Variants in ASIC2 observed in about 807,000 individuals in gnomAD.
ASIC2 encodes acid-sensing ion channel 2.
In ASIC2, 25 loss-of-function variants were observed where a neutral mutation model predicts 57.3. The ratio of observed to expected loss-of-function variants is 0.44; its 90% CI spans 0.32 to 0.61. The LOEUF (loss-of-function observed/expected upper bound fraction) is 0.61, where lower values mean the gene tolerates loss of function less well. ASIC2 is among the 20% of genes least tolerant of loss of function. The pLI is 0.06. For missense variants in ASIC2, 641 were observed against 738.1 expected (o/e 0.87, Z 1.52); for synonymous variants, 319 against 307.5 (o/e 1.04, Z -0.39).
At chr17:33,616,058 G>A (rs1905592947) in intron 1 of ASIC2, among the ~76,000 whole-genome samples, 1 of 152,208 alleles carries the variant, frequency 6.6e-6, no homozygotes, top group Non-Finnish European at 1.5e-5. Context: ...TCTTCAAAGT[G>A]ACAAAATGCA....
intron 1 of ASIC2, among the ~76,000 whole-genome samples, chr17:33,510,770 C>T (rs1238149275): frequency 1.3e-5 from 2 of 152,182 alleles, no homozygotes; most frequent in Non-Finnish European, 2.9e-5. Context: ...CCATTACCAC[C>T]CAGTACCCTG....
At chr17:33,608,635 T>G (rs1157544902) in intron 1 of ASIC2, among the ~76,000 whole-genome samples, 2 of 152,010 alleles carry the variant, frequency 1.3e-5, no homozygotes, top group African/African-American at 4.8e-5. Context: ...GGGATTCTGT[T>G]TACTCTCTGG....
In ASIC2 at chr17:33,038,654, G is replaced by C. The variant is rs150125707; in HGVS notation, c.988-10262C>G. ...TGCTTAAATTTATGAACAGAGCAAG[G>C]AATGCAGAACTTTTGTGATTAAATA... On this transcript the variant is annotated intron_variant, in intron 3 of 9. Coordinates refer to ENST00000225823, the MANE Select transcript of ASIC2 (RefSeq NM_183377.2). Among the ~76,000 whole-genome samples the C allele has an allele frequency of 3.6e-3, 553 of 152,330 alleles. 4 individuals are homozygous for C. Among genetic ancestry groups the C allele is most frequent in the Non-Finnish European group, 5.9e-3 (404 of 68,036 alleles).
At chr17:33,692,506 A>G (rs1908403738) in intron 1 of ASIC2, 1 of 152,180 alleles carries the variant, frequency 6.6e-6, no homozygotes, top group Non-Finnish European at 1.5e-5. Flanking sequence ...TCTTGAACCA[A>G]ACAGTATACA....
intron 1 of ASIC2, among the ~76,000 whole-genome samples, chr17:33,728,117 G>T (rs1465153800): frequency 6.6e-6 from 1 of 152,136 alleles, no homozygotes; most frequent in Admixed American, 6.5e-5. Context: ...CCCTCCTGCA[G>T]ACTTTGCTCC....
chr17:33,261,421 G>C (rs571654721), intron 1 of ASIC2, among the ~76,000 whole-genome samples: 1 of 152,288 alleles, frequency 6.6e-6, no homozygotes, highest in Admixed American at 6.5e-5. Flanking sequence ...GAGCTTCCAG[G>C]GAAATAGGGG....
intron 1 of ASIC2, among the ~76,000 whole-genome samples, chr17:34,131,367 C>T (rs1054064631): frequency 6.6e-6 from 1 of 152,126 alleles, no homozygotes; most frequent in African/African-American, 2.4e-5. Flanking sequence ...CATTGTATTC[C>T]CTAAATAAAC....
intron 3 of ASIC2, among the ~76,000 whole-genome samples, chr17:33,086,467 C>T (rs1184691573): frequency 1.3e-5 from 2 of 152,188 alleles, no homozygotes; most frequent in Admixed American, 6.5e-5. Context: ...AGAATTTATA[C>T]ACATATTGAT....
chr17:33,878,395 T>C (rs906726825), intron 1 of ASIC2, among the ~76,000 whole-genome samples: 1 of 152,014 alleles, frequency 6.6e-6, no homozygotes, highest in African/African-American at 2.4e-5. Context: ...GAATAACTAA[T>C]GCAGATAAGT....
At chr17:33,142,034 A>G (rs1904335236) in intron 1 of ASIC2, among the ~76,000 whole-genome samples, 1 of 152,198 alleles carries the variant, frequency 6.6e-6, no homozygotes, top group African/African-American at 2.4e-5. Context: ...ATTATTTTAT[A>G]AATATCTGTC....
chr17:33,293,981 G>T (rs1310770269), upstream of ASIC2, among the ~76,000 whole-genome samples: 1 of 152,038 alleles, frequency 6.6e-6, no homozygotes, highest in Non-Finnish European at 1.5e-5. Flanking sequence ...TTGCGAGCAG[G>T]GTAGGCTCAG....
At chr17:33,463,377 C>G (rs538833237) in intron 1 of ASIC2, among the ~76,000 whole-genome samples, 1 of 152,348 alleles carries the variant, frequency 6.6e-6, no homozygotes, top group East Asian at 1.9e-4. Flanking sequence ...TCTCCTTCTC[C>G]TTCTTCTTCC....
At chr17:33,771,502 G>A (rs1911110151) in intron 1 of ASIC2, among the ~76,000 whole-genome samples, 1 of 151,748 alleles carries the variant, frequency 6.6e-6, no homozygotes, top group Non-Finnish European at 1.5e-5. Flanking sequence ...CTGTGCCTGT[G>A]GGTAGAAATT....
intron 1 of ASIC2, among the ~76,000 whole-genome samples, chr17:33,319,246 A>C (rs565825957): frequency 6.6e-5 from 10 of 152,270 alleles, no homozygotes; most frequent in South Asian, 6.2e-4. Context: ...ATAAACCCCC[A>C]AAAACTAGAC....
chr17:34,139,628 T>C (rs748747425), intron 1 of ASIC2, among the ~76,000 whole-genome samples: 1 of 152,156 alleles, frequency 6.6e-6, no homozygotes, highest in Non-Finnish European at 1.5e-5. Context: ...CTTGAAAACA[T>C]TGTACTCAAT....
At chr17:33,497,987 T>C (rs1913989672) in intron 1 of ASIC2, among the ~76,000 whole-genome samples, 2 of 152,182 alleles carry the variant, frequency 1.3e-5, no homozygotes, top group Non-Finnish European at 2.9e-5. Flanking sequence ...CAAGGGAAGT[T>C]CCTCAGAGGA....
chr17:33,914,581 C>T (rs183532591), intron 1 of ASIC2, among the ~76,000 whole-genome samples: 80 of 152,232 alleles, frequency 5.3e-4, no homozygotes, highest in African/African-American at 1.8e-3. Flanking sequence ...GCCAAACAAG[C>T]GACCAAGAAT....
chr17:33,367,569 AC>A (rs1321628364), intron 1 of ASIC2, among the ~76,000 whole-genome samples: 1 of 152,184 alleles, frequency 6.6e-6, no homozygotes, highest in African/African-American at 2.4e-5. Context: ...TTACTCTGAT[AC>A]CTGCCTCCCT....
At chr17:33,883,606 T>C (rs1166086921) in intron 1 of ASIC2, among the ~76,000 whole-genome samples, 3 of 152,096 alleles carry the variant, frequency 2.0e-5, no homozygotes, top group Non-Finnish European at 2.9e-5. Flanking sequence ...TAACTTCTCT[T>C]CTCAGCCCCA....
Sources: gnomAD v4.1 joint callset for allele counts (sites outside exome capture counted in the v4.1 genomes callset) on GRCh38, gnomAD v4.1.1 for gene constraint, MANE v1.5 for transcripts, NCBI Gene and HGNC (gene_info 2026-07-23, HGNC 2026-07-21) for gene names.